GRID2: variants seen among roughly 807,000 people sequenced by gnomAD.
The protein encoded by GRID2 is glutamate receptor ionotropic, delta-2.
In GRID2, 33 loss-of-function variants were observed where a neutral mutation model predicts 114.8. That is an observed-to-expected ratio of 0.29 (90% confidence interval 0.22 to 0.38). The LOEUF is 0.38. Among genes scored for constraint, GRID2 ranks in the 10% least tolerant of loss-of-function variants. The pLI, the probability that GRID2 is intolerant of heterozygous loss-of-function variation, is 1.00. For missense variants in GRID2, 1,184 were observed against 1,257.7 expected, an observed-to-expected ratio of 0.94 and a Z score of 0.89; for synonymous variants, 505 against 449.9, an observed-to-expected ratio of 1.12 and a Z score of -1.55.
At chr4:93,170,407 A>G (rs1179723667) in intron 4 of GRID2, among the ~76,000 whole-genome samples, 1 of 152,040 alleles carries the variant, frequency 6.6e-6, no homozygotes, top group Non-Finnish European at 1.5e-5. Context: ...ATTGTAATAA[A>G]CAATGGAATC....
intron 14 of GRID2, among the ~76,000 whole-genome samples, chr4:93,678,741 A>T (rs1725185992): frequency 6.6e-6 from 1 of 151,412 alleles, no homozygotes; most frequent in African/African-American, 2.4e-5. Flanking sequence ...AGATTTTGTC[A>T]CCAACAGGCC....
chr4:93,074,978 C>G lies in GRID2; in HGVS notation c.245-10017C>G, dbSNP rs187552598. The stretch of plus-strand genomic sequence containing the variant: ...GTTTTTAAGACTGATTTTATAAACT[C>G]TCTCACTACTGAAACTCCGGGCCCA... On this transcript the variant is annotated intron_variant, in intron 2 of 15. Transcript: ENST00000282020. Among the ~76,000 whole-genome samples the G allele has an allele frequency of 1.4e-3, 212 of 152,290 alleles. 2 individuals carry two copies. Among genetic ancestry groups the G allele is most frequent in the Admixed American group, 0.012 (184 of 15,296 alleles).
At chr4:92,648,594 A>G (rs1314091532) in intron 2 of GRID2, among the ~76,000 whole-genome samples, 1 of 149,600 alleles carries the variant, frequency 6.7e-6, no homozygotes, top group Non-Finnish European at 1.5e-5. Flanking sequence ...ATTTAAAAAT[A>G]ATAAAAATGC....
intron 2 of GRID2, among the ~76,000 whole-genome samples, chr4:92,647,375 A>G (rs1216536501): frequency 1.8e-5 from 1 of 55,194 alleles, no homozygotes; most frequent in Non-Finnish European, 4.3e-5. Context: ...AAAAAATTCT[A>G]ACCAATAAAT....
chr4:92,867,793 G>A (rs1236537005), intron 2 of GRID2, among the ~76,000 whole-genome samples: 1 of 152,010 alleles, frequency 6.6e-6, no homozygotes, highest in Non-Finnish European at 1.5e-5. Context: ...ATATATTGTT[G>A]GGTATGTACA....
intron 2 of GRID2, among the ~76,000 whole-genome samples, chr4:92,883,258 T>C (rs974908324): frequency 1.3e-5 from 2 of 152,218 alleles, no homozygotes; most frequent in African/African-American, 2.4e-5. Flanking sequence ...CCTTATCTGT[T>C]CAAGTTTTAC....
chr4:92,504,296 G>C (rs1723839690), intron 1 of GRID2, among the ~76,000 whole-genome samples: 1 of 152,044 alleles, frequency 6.6e-6, no homozygotes, highest in Non-Finnish European at 1.5e-5. Context: ...AAAGACATGA[G>C]AATGGGAGAA....
intron 13 of GRID2, among the ~76,000 whole-genome samples, chr4:93,538,683 C>A (rs938824210): frequency 2.6e-5 from 4 of 151,538 alleles, no homozygotes; most frequent in African/African-American, 9.7e-5. Context: ...AATTCATAAC[C>A]CAAGTCTAAT....
intron 2 of GRID2, among the ~76,000 whole-genome samples, chr4:92,916,482 G>T (rs531355714): frequency 1.3e-5 from 2 of 151,958 alleles, no homozygotes; most frequent in Non-Finnish European, 2.9e-5. Context: ...TTAACATTAG[G>T]TATATCTCCT....
intron 8 of GRID2, chr4:93,306,375 T>C (rs1022729529): frequency 6.6e-6 from 1 of 152,208 alleles, no homozygotes; most frequent in African/African-American, 2.4e-5. Flanking sequence ...CCCTACACTA[T>C]GTTGGAAATT....
At chr4:93,313,350 A>T (rs1756227603) in intron 8 of GRID2, among the ~76,000 whole-genome samples, 1 of 152,210 alleles carries the variant, frequency 6.6e-6, no homozygotes, top group Non-Finnish European at 1.5e-5. Context: ...GACTTGAAGT[A>T]ACAATCACCA....
At chr4:93,344,180 A>G (rs1759948787) in intron 8 of GRID2, among the ~76,000 whole-genome samples, 1 of 152,074 alleles carries the variant, frequency 6.6e-6, no homozygotes, top group Non-Finnish European at 1.5e-5. Flanking sequence ...GATAGCCCTT[A>G]CAAGACTGGT....
intron 11 of GRID2, among the ~76,000 whole-genome samples, chr4:93,470,195 A>T (rs1048402063): frequency 6.6e-6 from 1 of 152,112 alleles, no homozygotes; most frequent in Admixed American, 6.5e-5. Context: ...GAATCTGGCC[A>T]CAAACAATGT....
chr4:92,623,828 T>A (rs1488454646), intron 2 of GRID2, among the ~76,000 whole-genome samples: 1 of 151,788 alleles, frequency 6.6e-6, no homozygotes, highest in African/African-American at 2.4e-5. Context: ...ACTTTATGAA[T>A]GTAACTGATA....
chr4:92,371,218 C>T (rs1272629712), intron 1 of GRID2, among the ~76,000 whole-genome samples: 1 of 152,160 alleles, frequency 6.6e-6, no homozygotes, highest in Non-Finnish European at 1.5e-5. Flanking sequence ...GTAGAAGCTG[C>T]AGCAGGTTAT....
intron 2 of GRID2, among the ~76,000 whole-genome samples, chr4:92,655,380 A>G (rs917573860): frequency 6.6e-6 from 1 of 151,808 alleles, no homozygotes; most frequent in Non-Finnish European, 1.5e-5. Context: ...GTGTTGTTCT[A>G]TACTAATTTT....
At chr4:92,419,898 T>G (rs1397228315) in intron 1 of GRID2, among the ~76,000 whole-genome samples, 1 of 152,132 alleles carries the variant, frequency 6.6e-6, no homozygotes, top group African/African-American at 2.4e-5. Context: ...ACCTATTTTA[T>G]TTACTTAAAT....
chr4:92,616,724 A>G (rs1388778181), intron 2 of GRID2, among the ~76,000 whole-genome samples: 2 of 151,672 alleles, frequency 1.3e-5, no homozygotes, highest in South Asian at 4.1e-4. Context: ...CTACAGGGAC[A>G]TTGAATTTCT....
chr4:92,578,165 C>T (rs62310097), intron 1 of GRID2, among the ~76,000 whole-genome samples: 51,836 of 134,234 alleles, frequency 0.39, 11,359 homozygotes, highest in African/African-American at 0.46. Context: ...ATGTGCACAA[C>T]GTGCAGGTTA....
Sources: gnomAD v4.1 joint callset for allele counts (sites outside exome capture counted in the v4.1 genomes callset) on GRCh38, gnomAD v4.1.1 for gene constraint, MANE v1.5 for transcripts, NCBI Gene and HGNC (gene_info 2026-07-23, HGNC 2026-07-21) for gene names.